The following OXR1 variants were observed in gnomAD, a reference collection of about 807,000 sequenced individuals.
OXR1 encodes the protein oxidation resistance protein 1.
OXR1 carries 41 observed loss-of-function variants against 104.6 expected under a neutral mutation model. The observed-to-expected ratio is 0.39, with a 90% CI of 0.31 to 0.51. OXR1 has a LOEUF of 0.51. OXR1 is among the 20% of genes least tolerant of loss of function. The probability of loss-of-function intolerance (pLI) is 0.77; values close to 1 mark genes in which losing one functional copy is unlikely to be tolerated. For synonymous variants in OXR1, 348 were observed against 348.4 expected (o/e 1.00, Z 0.01); for missense variants, 955 against 1,031.9 (o/e 0.93, Z 1.02).
chr8:106,370,179 T>C (rs753836375), intron 2 of OXR1, among the ~76,000 whole-genome samples: 6 of 152,208 alleles, frequency 3.9e-5, no homozygotes, highest in Non-Finnish European at 8.8e-5. Flanking sequence ...CGGAGTTCAT[T>C]CATGATTTGG....
intron 2 of OXR1, among the ~76,000 whole-genome samples, chr8:106,511,473 A>G (rs983042517): frequency 6.6e-6 from 1 of 152,188 alleles, no homozygotes; most frequent in Non-Finnish European, 1.5e-5. Context: ...ACTGGAAAGG[A>G]CTACGAGTGT....
intron 1 of OXR1, among the ~76,000 whole-genome samples, chr8:106,290,000 T>G (rs117152757): frequency 2.6e-3 from 400 of 152,316 alleles, no homozygotes; most frequent in Non-Finnish European, 3.7e-3. Context: ...GTAAGTTTCC[T>G]GAGGCCTTCC....
chr8:106,618,885 C>G (rs561199616), intron 3 of OXR1, among the ~76,000 whole-genome samples: 1 of 149,866 alleles, frequency 6.7e-6, no homozygotes, highest in Non-Finnish European at 1.5e-5. Flanking sequence ...TGCCTTTTTT[C>G]TTTTTTTTGG....
intron 3 of OXR1, among the ~76,000 whole-genome samples, chr8:106,640,761 A>G (rs565718589): frequency 6.6e-6 from 1 of 152,276 alleles, no homozygotes; most frequent in Admixed American, 6.5e-5. Flanking sequence ...TTGAAATTCA[A>G]ATTTTGCCAG....
intron 3 of OXR1, among the ~76,000 whole-genome samples, chr8:106,535,417 C>T (rs895828518): frequency 6.6e-6 from 1 of 152,280 alleles, no homozygotes; most frequent in East Asian, 1.9e-4. Context: ...AAACTTTTGT[C>T]CCTAATGTAA....
chr8:106,354,178 G>A (rs796684480), intron 1 of OXR1, among the ~76,000 whole-genome samples: 2 of 151,892 alleles, frequency 1.3e-5, no homozygotes, highest in African/African-American at 4.8e-5. Flanking sequence ...AAGCAGAGTA[G>A]AGAGCCTAGG....
chr8:106,589,137 G>A (rs1818880700), intron 3 of OXR1, among the ~76,000 whole-genome samples: 1 of 152,204 alleles, frequency 6.6e-6, no homozygotes, highest in Non-Finnish European at 1.5e-5. Context: ...GCAGGGGAGA[G>A]AGCGAGCAGG....
At chr8:106,694,755 T>TATATATATTTAATAGATAAATAC (rs1307686685) in intron 7 of OXR1, among the ~76,000 whole-genome samples, 5 of 114,186 alleles carry the variant, frequency 4.4e-5, no homozygotes, top group South Asian at 2.6e-4. Context: ...TATATATTAA[T>TATATATATTTAATAGATAAATAC]ATATATATTT....
chr8:106,359,782 G>A, intron 2 of OXR1, 146 bp downstream of exon 2: 1 of 659,744 alleles, frequency 1.5e-6, no homozygotes, highest in South Asian at 1.7e-5. Flanking sequence ...TTAGCGTAAA[G>A]AAAGCAATCT....
chr8:106,693,424 CTTT>C (rs11384137), intron 7 of OXR1, among the ~76,000 whole-genome samples: 1 of 97,554 alleles, frequency 1.0e-5, no homozygotes. Context: ...TAGTCAGAAT[CTTT>C]TTTTTTTTTT....
rs1372403621 is a variant in OXR1, at chr8:106,706,957, A to T, written c.1436A>T (p.Lys479Met). The T allele has an allele frequency of 1.9e-6, 3 of 1,613,608 alleles. No individual in the cohort carries two copies. The African/African-American group carries it at 4.0e-5, about 22-fold the overall frequency. Residue 479 changes from lysine (K) to methionine (M), a missense_variant, in exon 9 of 17, where the codon AAG (lysine) becomes ATG (methionine). By Grantham distance (95) the Lys-to-Met change is moderately conservative (BLOSUM62 -1). This residue lies in a region of OXR1 where 849 missense variants were observed against 852.9 expected (regional missense o/e 1.00). Transcript: ENST00000517566. ...PCGETAEFKQ[K>M]QSVNKGKQGK... ...GGGGAAACAGCAGAATTTAAACAAA[A>T]GCAAAGTGTTAACAAAGGAAAACAA...
chr8:106,648,118 A>G (rs1353757103), intron 3 of OXR1, among the ~76,000 whole-genome samples: 1 of 152,250 alleles, frequency 6.6e-6, no homozygotes, highest in Admixed American at 6.5e-5. Flanking sequence ...TACTCATAAT[A>G]GTTTTAGTGA....
chr8:106,587,239 C>T (rs1467582608), intron 3 of OXR1, among the ~76,000 whole-genome samples: 1 of 149,596 alleles, frequency 6.7e-6, no homozygotes, highest in South Asian at 2.1e-4. Flanking sequence ...GTAGGTGGGT[C>T]GATGTGGTAT....
At chr8:106,379,523 T>G (rs1009513418) in intron 2 of OXR1, among the ~76,000 whole-genome samples, 4 of 141,912 alleles carry the variant, frequency 2.8e-5, no homozygotes, top group Non-Finnish European at 6.0e-5. Flanking sequence ...TTTTTTTTAC[T>G]TTTTTCTTTC....
At chr8:106,388,766 A>G (rs1205921324) in intron 2 of OXR1, among the ~76,000 whole-genome samples, 1 of 152,220 alleles carries the variant, frequency 6.6e-6, no homozygotes, top group Non-Finnish European at 1.5e-5. Flanking sequence ...GACCTAAGAA[A>G]TTCTACCATT....
At position 106,400,588 on chromosome 8, in the gene OXR1, G is replaced by T. The variant is rs1476866678; in HGVS notation, c.23+40952G>T. ...TTTTATTTTTTAATTAACATAAATT[G>T]GTCTTATATTATGATTTTATAGCTA... On this transcript the variant is annotated intron_variant, in intron 2 of 16. Coordinates refer to ENST00000517566, the MANE Select transcript of OXR1 (RefSeq NM_001198533.2). Among the ~76,000 whole-genome samples, 5 of 152,034 alleles carry T rather than the reference G, an allele frequency of 3.3e-5. No individual in the cohort carries two copies. In the East Asian group the frequency reaches 7.7e-4, roughly 23 times the overall value.
chr8:106,369,732 C>T (rs965914830), intron 2 of OXR1, among the ~76,000 whole-genome samples: 1 of 152,090 alleles, frequency 6.6e-6, no homozygotes, highest in Non-Finnish European at 1.5e-5. Flanking sequence ...TTTCTGAAGT[C>T]TCTGTTCTGC....
chr8:106,634,916 G>A (rs1823007328), intron 3 of OXR1, among the ~76,000 whole-genome samples: 1 of 151,800 alleles, frequency 6.6e-6, no homozygotes, highest in African/African-American at 2.4e-5. Flanking sequence ...CTACCTGGGA[G>A]ATGTTAAAAT....
chr8:106,360,262 G>C (rs1378300045), intron 2 of OXR1, among the ~76,000 whole-genome samples: 1 of 151,968 alleles, frequency 6.6e-6, no homozygotes, highest in Non-Finnish European at 1.5e-5. Flanking sequence ...ATACTAGTAG[G>C]GATAAATTTG....
Sources: allele counts gnomAD v4.1 joint callset (sites outside exome capture counted in the v4.1 genomes callset), GRCh38; gene constraint gnomAD v4.1.1; regional missense constraint gnomAD v4.1.1; transcripts MANE v1.5; gene names NCBI Gene and HGNC (gene_info 2026-07-23, HGNC 2026-07-21).